SP3: variants seen among roughly 807,000 people sequenced by gnomAD.
The protein encoded by SP3 is Sp3 transcription factor.
In SP3, 10 loss-of-function variants were observed where a neutral mutation model predicts 70.3. The ratio of observed to expected loss-of-function variants is 0.14; its 90% CI spans 0.09 to 0.24. The LOEUF is 0.24. Among genes scored for constraint, SP3 ranks in the 10% least tolerant of loss-of-function variants. SP3 has a pLI of 1.00. For synonymous variants in SP3, 402 were observed against 333.5 expected, an observed-to-expected ratio of 1.21 and a Z score of -2.24; for missense variants, 825 against 914.6, an observed-to-expected ratio of 0.90 and a Z score of 1.26.
intron 4 of SP3, among the ~76,000 whole-genome samples, chr2:173,949,923 T>G (rs1450365435): frequency 6.6e-6 from 1 of 152,228 alleles, no homozygotes; most frequent in Non-Finnish European, 1.5e-5. Context: ...TTTGAGAGAC[T>G]GAATTAAGTC....
intron 4 of SP3, among the ~76,000 whole-genome samples, chr2:173,927,491 T>C (rs1468793591): frequency 6.6e-6 from 1 of 152,106 alleles, no homozygotes; most frequent in African/African-American, 2.4e-5. Flanking sequence ...TTGGCCAGGC[T>C]GGTCTCGAAC....
chr2:173,952,463 ACT>A (rs1481574091), intron 4 of SP3, among the ~76,000 whole-genome samples: 1 of 152,042 alleles, frequency 6.6e-6, no homozygotes, highest in Admixed American at 6.6e-5. Flanking sequence ...AGAAATTGGG[ACT>A]CTCAACACAT....
Position 173,918,707 on chromosome 2 carries a change from A to G in SP3, c.1718T>C (p.Leu573Pro). Residue 573 changes from leucine (L) to proline (P), a missense_variant, in exon 5 of 7, where the codon CTA becomes CCA. Transcript: ENST00000310015. ...TACCACCTGTACTCTTAAGTGTGTT[A>G]GGTCATTGGTATTCAAGGTAGAATC... is the stretch of plus-strand genomic sequence containing the variant. ...SGDSTLNTND[L>P]THLRVQVVDE... 1 of 1,613,792 alleles carries G rather than the reference A, an allele frequency of 6.2e-7. No individual in the cohort carries two copies. The highest frequency in any genetic ancestry group is 8.5e-7 in the Non-Finnish European group (1 of 1,179,810).
chr2:173,963,891 C>G lies in SP3; in HGVS notation c.157-8G>C, dbSNP rs1478746970. 4.7e-6 allele frequency: 7 copies of G among 1,494,556 alleles called. No homozygotes were observed. Among genetic ancestry groups the G allele is most frequent in the Admixed American group, 2.2e-5 (1 of 45,430 alleles). The allele number at this position is 1,494,556 out of a possible 1,614,324, so 92.6% of individuals were successfully genotyped here. ...CGGTGACGGCTGAGTGTCCTACCCC[C>G]AATGGGCGGGTTCAGAGAGGGAGAC... is the stretch of plus-strand genomic sequence containing the variant. On this transcript the variant is annotated splice_region_variant and splice_polypyrimidine_tract_variant and intron_variant, in intron 2 of 6. Transcript: ENST00000310015.
At chr2:173,924,509 A>AT (rs1390110571) in intron 4 of SP3, among the ~76,000 whole-genome samples, 5 of 152,176 alleles carry the variant, frequency 3.3e-5, no homozygotes, top group Admixed American at 3.3e-4. Flanking sequence ...AACACATAAG[A>AT]TAAGGATTTA....
intron 4 of SP3, among the ~76,000 whole-genome samples, chr2:173,921,249 T>C (rs1488303914): frequency 6.6e-6 from 1 of 152,244 alleles, no homozygotes; most frequent in Non-Finnish European, 1.5e-5. Flanking sequence ...CCCATTTTTA[T>C]ACAAATAATA....
chr2:173,963,689 G>A (rs1449505163), intron 3 of SP3, 72 bp downstream of exon 3: 29 of 541,862 alleles, frequency 5.4e-5, no homozygotes, highest in Non-Finnish European at 6.9e-5. Context: ...GAGGCCTTTT[G>A]GGCAGGCGCG....
Position 173,956,066 on chromosome 2 carries a change from T to G in SP3, c.446A>C (p.Gln149Pro). The change falls in exon 4 of 7, where the codon CAA becomes CCA. Residue 149 changes from glutamine (Q) to proline (P), a missense_variant. Physicochemically the swap from Gln to Pro is moderately conservative, Grantham distance 76. Around this residue, in one of 4 missense-constraint regions of SP3, gnomAD observed 678 missense variants for 651.6 expected, o/e 1.04. Coordinates refer to ENST00000310015, the MANE Select transcript of SP3 (RefSeq NM_003111.5). ...YVLPLQNLQNQQIFSVAPGSD... is the reference protein window; with the variant it reads ...YVLPLQNLQNPQIFSVAPGSD... ...TCCTGGTGCAACGGAAAATATTTGT[T>G]GATTCTGCAAATTCTGAAGGGGAAG... 1 of 1,614,182 alleles carries G rather than the reference T, an allele frequency of 6.2e-7. No homozygotes were observed. The highest frequency in any genetic ancestry group is 8.5e-7 in the Non-Finnish European group (1 of 1,180,026).
Position 173,963,765 on chromosome 2 carries a change from C to A in SP3, c.275G>T (p.Gly92Val). Residue 92 changes from glycine to valine, a missense_variant, in exon 3 of 7, where the codon GGA (glycine) becomes GTA (valine). Physicochemically the swap from Gly to Val is moderately radical, Grantham distance 109. Transcript: ENST00000310015. ...AAAAGAPAAA[G>V]ATGDLASAQL... The stretch of plus-strand genomic sequence containing the variant: ...CGGGCCGCGCGCGGGACTTACCGCT[C>A]CGGCGGCGGCGGGGGCCCCGGCTGC... The A allele has an allele frequency of 7.9e-7, 1 of 1,268,222 alleles. No individual in the cohort carries two copies. The highest frequency in any genetic ancestry group is 1.7e-5 in the South Asian group (1 of 59,220). 78.6% of individuals were successfully genotyped at this position (1,268,222 alleles called of 1,614,324 possible).
chr2:173,961,220 A>G (rs1691062546), intron 3 of SP3, among the ~76,000 whole-genome samples: 1 of 152,240 alleles, frequency 6.6e-6, no homozygotes, highest in Non-Finnish European at 1.5e-5. Flanking sequence ...AGACTGCTTT[A>G]TGACTAGACT....
intron 5 of SP3, chr2:173,913,882 A>G (rs1689557460): frequency 6.6e-6 from 1 of 152,208 alleles, no homozygotes; most frequent in Non-Finnish European, 1.5e-5. Flanking sequence ...AGATAAATAC[A>G]AATCAAAATT....
intron 4 of SP3, among the ~76,000 whole-genome samples, chr2:173,953,988 G>C (rs182498902): frequency 6.6e-6 from 1 of 152,158 alleles, no homozygotes; most frequent in East Asian, 1.9e-4. Flanking sequence ...ATGGTGATGG[G>C]AGTTATGTCA....
chr2:173,901,599 A>C lies in SP3; in HGVS notation c.*8342T>G, dbSNP rs1291100484. On this transcript the variant is annotated 3_prime_UTR_variant, in exon 7 of 7. Transcript: ENST00000310015. ...AAAATTAGAATTAAAGTCATGAGTT[A>C]TCATTTCACATCCATCAACCCATCA... 6.6e-6 allele frequency among the ~76,000 whole-genome samples: 1 copy of C among 151,476 alleles called. No homozygotes were observed. The highest frequency in any genetic ancestry group is 1.5e-5 in the Non-Finnish European group (1 of 67,842).
In SP3 at chr2:173,906,993, T is replaced by C. The variant is rs1167740748; in HGVS notation, c.*2948A>G. 6.6e-6 allele frequency: 1 copy of C among 152,208 alleles called. No homozygotes were observed. The highest frequency in any genetic ancestry group is 1.5e-5 in the Non-Finnish European group (1 of 68,028). The allele number at this position is 152,208 out of a possible 1,614,324, so 9.4% of individuals were successfully genotyped here. ...TGTGTATTTTTAAGTATCTTAAGCA[T>C]TGCCACTATTTTGAAAGACCAAAGT... On this transcript the variant is annotated 3_prime_UTR_variant, in exon 7 of 7. Coordinates refer to ENST00000310015, the MANE Select transcript of SP3 (RefSeq NM_003111.5).
In SP3 at chr2:173,956,139, T is replaced by C. The variant is rs144811234; in HGVS notation, c.373A>G (p.Asn125Asp). 40 of 1,614,200 alleles carry C rather than the reference T, an allele frequency of 2.5e-5. No homozygotes were observed. Among genetic ancestry groups the C allele is most frequent in the Admixed American group, 3.3e-5 (2 of 60,026 alleles). Reference protein sequence around the residue: ...TPTTIKDEAGNLVQIPSAATS... With the variant: ...TPTTIKDEAGDLVQIPSAATS... ...GCAGCACTTGGAATCTGGACTAGAT[T>C]ACCAGCTTCATCTTTTATAGTTGTA... The change falls in exon 4 of 7, where the codon AAT (asparagine) becomes GAT (aspartate). Residue 125 changes from asparagine (N) to aspartate (D), a missense_variant. Asn to Asp is a conservative substitution (Grantham distance 23, BLOSUM62 1). Around this residue, in one of 4 missense-constraint regions of SP3, gnomAD observed 678 missense variants for 651.6 expected, o/e 1.04. Coordinates refer to ENST00000310015, the MANE Select transcript of SP3 (RefSeq NM_003111.5).
chr2:173,960,944 C>G (rs1411287805), intron 3 of SP3, among the ~76,000 whole-genome samples: 1 of 152,010 alleles, frequency 6.6e-6, no homozygotes, highest in Non-Finnish European at 1.5e-5. Flanking sequence ...CCACTGCACT[C>G]CAGTCTGGGC....
At position 173,935,378 on chromosome 2, in the gene SP3, G is replaced by C. The variant is rs1041551523; in HGVS notation, c.1640-16593C>G. ...AATCCATGTAGATGCTTTCCTGATG[G>C]AAAATAGTAAGACAAAACCAAAACC... On this transcript the variant is annotated intron_variant, in intron 4 of 6. Coordinates refer to ENST00000310015, the MANE Select transcript of SP3 (RefSeq NM_003111.5). Among the ~76,000 whole-genome samples, 7 of 152,100 alleles carry C rather than the reference G, an allele frequency of 4.6e-5. No homozygotes were observed. The East Asian group carries it at 1.3e-3, about 29-fold the overall frequency.
At chr2:173,957,689 G>A (rs1420726431) in intron 3 of SP3, among the ~76,000 whole-genome samples, 4 of 152,050 alleles carry the variant, frequency 2.6e-5, no homozygotes, top group Admixed American at 6.5e-5. Flanking sequence ...AGCTATAAAA[G>A]GTTTATAAGC....
chr2:173,963,693 A>G (rs1238521322), intron 3 of SP3, 68 bp downstream of exon 3: 8 of 580,860 alleles, frequency 1.4e-5, no homozygotes, highest in Non-Finnish European at 1.7e-5. Context: ...CCTTTTGGGC[A>G]GGCGCGCCAC....
Sources: allele counts gnomAD v4.1 joint callset (sites outside exome capture counted in the v4.1 genomes callset), GRCh38; gene constraint gnomAD v4.1.1; regional missense constraint gnomAD v4.1.1; transcripts MANE v1.5; gene names NCBI Gene and HGNC (gene_info 2026-07-23, HGNC 2026-07-21).